The following ROR1 variants were observed in gnomAD, a reference collection of about 807,000 sequenced individuals.
The protein encoded by ROR1 is inactive tyrosine-protein kinase transmembrane receptor ROR1.
Under a neutral mutation model 78.8 loss-of-function variants are expected in ROR1, and 19 were observed. The ratio of observed to expected loss-of-function variants is 0.24; its 90% CI spans 0.17 to 0.35. The LOEUF (loss-of-function observed/expected upper bound fraction) is 0.35, where lower values mean the gene tolerates loss of function less well. ROR1 is among the 10% of genes least tolerant of loss of function. The pLI is 1.00. For synonymous variants in ROR1, 386 were observed against 433.6 expected, an observed-to-expected ratio of 0.89 and a Z score of 1.36; for missense variants, 917 against 1,177.8, an observed-to-expected ratio of 0.78 and a Z score of 3.24.
chr1:64,027,062 A>G (rs1646618067), intron 2 of ROR1, among the ~76,000 whole-genome samples: 1 of 152,224 alleles, frequency 6.6e-6, no homozygotes, highest in Non-Finnish European at 1.5e-5. Flanking sequence ...TGAACTTTGG[A>G]TAAAATGACA....
In ROR1 at chr1:64,180,200, G is replaced by A. The variant is rs866560497; in HGVS notation, c.*1345G>A. 9.2e-5 allele frequency: 14 copies of A among 152,014 alleles called. No individual in the cohort carries two copies. Among genetic ancestry groups the A allele is most frequent in the African/African-American group, 3.4e-4 (14 of 41,382 alleles). 9.4% of individuals were successfully genotyped at this position (152,014 alleles called of 1,614,324 possible). A position where few individuals can be genotyped will look rare whatever the true frequency, so the allele number is the denominator to read the frequency against. On this transcript the variant is annotated 3_prime_UTR_variant, in exon 9 of 9. Coordinates refer to ENST00000371079, the MANE Select transcript of ROR1 (RefSeq NM_005012.4). ...TTACCTGCCGACCATCTTTTGCCAA[G>A]TTTAGAATTCTTATGCGTTTCAAGT...
intron 1 of ROR1, among the ~76,000 whole-genome samples, chr1:63,877,097 A>G (rs769446048): frequency 1.3e-5 from 2 of 152,224 alleles, no homozygotes; most frequent in African/African-American, 2.4e-5. Context: ...AAGATTTTCT[A>G]GTGAGGCAGA....
At chr1:63,823,828 A>T (rs182860508) in intron 1 of ROR1, among the ~76,000 whole-genome samples, 1 of 151,672 alleles carries the variant, frequency 6.6e-6, no homozygotes, top group East Asian at 1.9e-4. Flanking sequence ...GCTTACTGCA[A>T]CCTCTGCCTC....
chr1:63,823,742 C>G (rs1039655175), intron 1 of ROR1, among the ~76,000 whole-genome samples: 2 of 152,110 alleles, frequency 1.3e-5, no homozygotes, highest in East Asian at 3.9e-4. Flanking sequence ...CATGAGCCCC[C>G]ACACCCAGTC....
intron 1 of ROR1, among the ~76,000 whole-genome samples, chr1:63,914,166 T>C (rs1419076105): frequency 6.6e-6 from 1 of 152,256 alleles, no homozygotes; most frequent in Non-Finnish European, 1.5e-5. Flanking sequence ...CAGCACTGGC[T>C]GAATAACCAG....
chr1:64,051,342 C>T (rs1646826820), intron 4 of ROR1, among the ~76,000 whole-genome samples: 1 of 151,034 alleles, frequency 6.6e-6, no homozygotes, highest in Non-Finnish European at 1.5e-5. Context: ...CCCAGCTACT[C>T]GGGAGGCTGA....
At chr1:63,834,048 C>T (rs1016021447) in intron 1 of ROR1, among the ~76,000 whole-genome samples, 18 of 143,302 alleles carry the variant, frequency 1.3e-4, no homozygotes, top group African/African-American at 4.7e-4. Flanking sequence ...CAGTTAGTTA[C>T]TGACCTGGCA....
intron 4 of ROR1, among the ~76,000 whole-genome samples, chr1:64,060,090 G>T (rs140263442): frequency 6.6e-6 from 1 of 152,210 alleles, no homozygotes; most frequent in East Asian, 1.9e-4. Context: ...AGCATTGAAT[G>T]AATTTAAGTT....
chr1:64,051,463 AAAATAAAATAAAAT>A (rs1557627926), intron 4 of ROR1, among the ~76,000 whole-genome samples: 3 of 20,972 alleles, frequency 1.4e-4, no homozygotes, highest in Admixed American at 1.1e-3. Context: ...AATAAAAAAT[AAAATAAAATAAAAT>A]AAAATAAAAT....
At chr1:64,134,583 T>C (rs1569832338) in intron 4 of ROR1, among the ~76,000 whole-genome samples, 1 of 152,150 alleles carries the variant, frequency 6.6e-6, no homozygotes, top group East Asian at 1.9e-4. Context: ...TAATACATGT[T>C]TGGTTTTTTT....
At chr1:64,020,396 C>T (rs1646555494) in intron 2 of ROR1, among the ~76,000 whole-genome samples, 1 of 152,134 alleles carries the variant, frequency 6.6e-6, no homozygotes, top group Non-Finnish European at 1.5e-5. Context: ...TGGACGAGGC[C>T]TGTACTGGCT....
rs1394277813 is a variant in ROR1, at chr1:64,022,234, C to G, written c.163+12858C>G. On this transcript the variant is annotated intron_variant, in intron 2 of 8. Transcript: ENST00000371079. ...AGTTGAATTGGTTGCCAGGGGCTGG[C>G]TAGAGTGGGAGAAGGGAGCAATTGC... 2.0e-5 allele frequency among the ~76,000 whole-genome samples: 3 copies of G among 152,098 alleles called. No homozygotes were observed. The South Asian group carries it at 6.2e-4, about 32-fold the overall frequency.
intron 4 of ROR1, among the ~76,000 whole-genome samples, chr1:64,115,608 ATG>A (rs1156380297): frequency 7.0e-6 from 1 of 142,308 alleles, no homozygotes; most frequent in Non-Finnish European, 1.5e-5. Context: ...AAGTATATAT[ATG>A]TGTATATATA....
chr1:63,814,115 G>A (rs890266097), intron 1 of ROR1, among the ~76,000 whole-genome samples: 2 of 152,126 alleles, frequency 1.3e-5, no homozygotes, highest in African/African-American at 4.8e-5. Flanking sequence ...GCTGCTCTGG[G>A]GCCTGTTTGA....
intron 2 of ROR1, among the ~76,000 whole-genome samples, chr1:64,026,012 G>A (rs979387352): frequency 2.0e-5 from 3 of 152,156 alleles, no homozygotes; most frequent in African/African-American, 4.8e-5. Context: ...AAAAGGTATG[G>A]AAATAATTTT....
chr1:63,933,001 C>T (rs1394387509), intron 1 of ROR1, among the ~76,000 whole-genome samples: 1 of 152,156 alleles, frequency 6.6e-6, no homozygotes. Context: ...CTGAAAGATG[C>T]CTCTTCCCTT....
At chr1:63,842,937 G>T (rs1407389457) in intron 1 of ROR1, among the ~76,000 whole-genome samples, 4 of 151,970 alleles carry the variant, frequency 2.6e-5, no homozygotes, top group African/African-American at 7.2e-5. Context: ...GTGCCTGGGG[G>T]GAATTTGGTT....
chr1:64,097,947 T>C (rs1288328936), intron 4 of ROR1, among the ~76,000 whole-genome samples: 2 of 152,138 alleles, frequency 1.3e-5, no homozygotes, highest in Admixed American at 6.6e-5. Flanking sequence ...TGGACAAATT[T>C]ATGCAAAAGG....
intron 1 of ROR1, among the ~76,000 whole-genome samples, chr1:63,856,747 C>A (rs544682383): frequency 6.6e-6 from 1 of 152,290 alleles, no homozygotes; most frequent in Admixed American, 6.5e-5. Flanking sequence ...GACTGTTATA[C>A]CAGTCTTGAC....
Sources: gnomAD v4.1 joint callset for allele counts (sites outside exome capture counted in the v4.1 genomes callset) on GRCh38, gnomAD v4.1.1 for gene constraint, MANE v1.5 for transcripts, NCBI Gene and HGNC (gene_info 2026-07-23, HGNC 2026-07-21) for gene names.